The following FBXW11 variants were observed in gnomAD, a reference collection of about 807,000 sequenced individuals.
The protein encoded by FBXW11 is F-box/WD repeat-containing protein 11.
Under a neutral mutation model 77.6 loss-of-function variants are expected in FBXW11, and 19 were observed. The ratio of observed to expected loss-of-function variants is 0.24; its 90% CI spans 0.17 to 0.36. The LOEUF (loss-of-function observed/expected upper bound fraction) is 0.36, where lower values mean the gene tolerates loss of function less well. Among genes scored for constraint, FBXW11 ranks in the 10% least tolerant of loss-of-function variants. The pLI is 1.00. For synonymous variants in FBXW11, 235 were observed against 249.4 expected, an observed-to-expected ratio of 0.94 and a Z score of 0.54; for missense variants, 334 against 704.2, an observed-to-expected ratio of 0.47 and a Z score of 5.95.
At chr5:171,984,757 A>G (rs1354067336) in intron 1 of FBXW11, among the ~76,000 whole-genome samples, 2 of 152,246 alleles carry the variant, frequency 1.3e-5, no homozygotes, top group South Asian at 2.1e-4. Flanking sequence ...CTCCATAATT[A>G]TAAGGAAAAT....
At chr5:171,980,957 G>T (rs1281063101) in intron 1 of FBXW11, among the ~76,000 whole-genome samples, 1 of 152,080 alleles carries the variant, frequency 6.6e-6, no homozygotes, top group East Asian at 1.9e-4. Context: ...TGCTAATAAG[G>T]TGACTCTTGG....
intron 1 of FBXW11, among the ~76,000 whole-genome samples, chr5:172,003,884 C>CT (rs1177943378): frequency 1.3e-5 from 2 of 152,176 alleles, no homozygotes; most frequent in Non-Finnish European, 2.9e-5. Context: ...ATACAGCACA[C>CT]TTTGGAACAG....
chr5:171,887,388 A>T (rs1320457132), intron 7 of FBXW11, among the ~76,000 whole-genome samples: 2 of 152,142 alleles, frequency 1.3e-5, no homozygotes, highest in Admixed American at 6.5e-5. Context: ...TTAAAAAACA[A>T]ACAAAAAATA....
Position 171,863,796 on chromosome 5 carries a change from G to T in FBXW11, c.*331C>A, listed in dbSNP as rs1757223076. 1 of 152,628 alleles carries T rather than the reference G, an allele frequency of 6.6e-6. No homozygotes were observed. The highest frequency in any genetic ancestry group is 6.5e-5 in the Admixed American group (1 of 15,282). 9.5% of individuals were successfully genotyped at this position (152,628 alleles called of 1,614,324 possible). On this transcript the variant is annotated 3_prime_UTR_variant, in exon 14 of 14. Coordinates refer to ENST00000517395, the MANE Select transcript of FBXW11 (RefSeq NM_001378974.1). ...TTAGAGGCCAAGTCTTCTCTTGACG[G>T]TCGATTTACTTCTGTAAAACAGATT...
Position 171,910,617 on chromosome 5 carries a change from A to T in FBXW11, c.391T>A (p.Tyr131Asn). The change falls in exon 4 of 14, where the codon TAC (tyrosine) becomes AAC (asparagine). Residue 131 changes from tyrosine to asparagine, a missense_variant. Physicochemically the swap from Tyr to Asn is moderately radical, Grantham distance 143 (BLOSUM62 -2). Around this residue, in one of 10 missense-constraint regions of FBXW11, gnomAD observed 56 missense variants for 144.9 expected, o/e 0.39. Coordinates refer to ENST00000517395, the MANE Select transcript of FBXW11 (RefSeq NM_001378974.1). ...TCCCGCTGCAACATGGGCTTCAGGTAAGAGTTAATATGTCCATGCTGATAA... is the reference window on the plus strand; with the variant it reads ...TCCCGCTGCAACATGGGCTTCAGGTTAGAGTTAATATGTCCATGCTGATAA... ...CHYQHGHINS[Y>N]LKPMLQRDFI... is the part of the protein sequence containing the mutation. The T allele has an allele frequency of 6.2e-7, 1 of 1,613,912 alleles. No homozygotes were observed. The highest frequency in any genetic ancestry group is 8.5e-7 in the Non-Finnish European group (1 of 1,179,920).
At chr5:171,926,621 C>T (rs1461360977) in intron 2 of FBXW11, among the ~76,000 whole-genome samples, 5 of 152,160 alleles carry the variant, frequency 3.3e-5, no homozygotes, top group Admixed American at 6.5e-5. Flanking sequence ...GCTTCCCCTT[C>T]GCCTTCTGCC....
rs1758219998 is a variant in FBXW11, at chr5:171,878,046, A to T, written c.936T>A (p.Arg312=). ...AATCTGAAGAGCCAGTTACAATGAC[A>T]CGCTCATCATACTGCAGACAGAGGA... ...GSVLCLQYDE[R]VIVTGSSDST... is the part of the protein sequence containing the mutation. Residue 312 remains arginine, a synonymous_variant, in exon 8 of 14, where the codon CGT becomes CGA. Transcript: ENST00000517395. The T allele has an allele frequency of 6.2e-7, 1 of 1,613,826 alleles. No individual in the cohort carries two copies. The highest frequency in any genetic ancestry group is 8.5e-7 in the Non-Finnish European group (1 of 1,179,852).
chr5:171,880,261 G>T (rs965856771), intron 7 of FBXW11, among the ~76,000 whole-genome samples: 2 of 152,144 alleles, frequency 1.3e-5, no homozygotes, highest in South Asian at 2.1e-4. Flanking sequence ...ATTTATGAAG[G>T]TATATATTTC....
chr5:171,951,566 A>ATT lies in FBXW11; in HGVS notation c.147+6029_147+6030dup, dbSNP rs11413073. On this transcript the variant is annotated intron_variant, in intron 2 of 13. Transcript: ENST00000517395. The stretch of plus-strand genomic sequence containing the variant: ...AAAGAGAGAGAGAAAAAAAGTGGCT[A>ATT]TTTTTTTTTGAAAATAAAAAAATGC... 3.7e-3 allele frequency among the ~76,000 whole-genome samples: 552 copies of ATT among 150,292 alleles called. 3 individuals carry two copies. Among genetic ancestry groups the ATT allele is most frequent in the Admixed American group, 0.013 (196 of 15,096 alleles).
At chr5:171,942,441 A>G (rs1305693560) in intron 2 of FBXW11, among the ~76,000 whole-genome samples, 1 of 152,194 alleles carries the variant, frequency 6.6e-6, no homozygotes, top group Non-Finnish European at 1.5e-5. Context: ...CAGTCTGTCA[A>G]TTTAGGTTTG....
chr5:171,954,359 T>G (rs1049946732), intron 2 of FBXW11, among the ~76,000 whole-genome samples: 5 of 152,168 alleles, frequency 3.3e-5, no homozygotes, highest in African/African-American at 1.2e-4. Flanking sequence ...TAATTTCATA[T>G]ACAAAAATGG....
chr5:171,866,788 G>A (rs1345925003), intron 13 of FBXW11, among the ~76,000 whole-genome samples: 1 of 152,134 alleles, frequency 6.6e-6, no homozygotes, highest in Admixed American at 6.5e-5. Flanking sequence ...AATCACTCAA[G>A]AGATCCTTGT....
At chr5:171,921,167 A>G (rs537593919) in intron 2 of FBXW11, among the ~76,000 whole-genome samples, 190 of 152,254 alleles carry the variant, frequency 1.2e-3, no homozygotes, top group African/African-American at 4.4e-3. Context: ...TTTCATACCA[A>G]TCAACGGAAG....
rs79475616 is a variant in FBXW11 at position 171,912,410 on chromosome 5, T to C, written c.211-1613A>G. 3.1e-4 allele frequency among the ~76,000 whole-genome samples: 47 copies of C among 152,164 alleles called. 1 individual carries two copies. Among genetic ancestry groups the C allele is most frequent in the African/African-American group, 1.1e-3 (45 of 41,486 alleles). On this transcript the variant is annotated intron_variant, in intron 3 of 13. Coordinates refer to ENST00000517395, the MANE Select transcript of FBXW11 (RefSeq NM_001378974.1). ...CTTAACAGATCCAAAAAATAAGAGTTCAAAACAGAGATGAAAAGTCTTTGC... is the reference window on the plus strand; with the variant it reads ...CTTAACAGATCCAAAAAATAAGAGTCCAAAACAGAGATGAAAAGTCTTTGC...
intron 1 of FBXW11, among the ~76,000 whole-genome samples, chr5:171,958,746 T>C (rs1763746330): frequency 6.6e-6 from 1 of 152,182 alleles, no homozygotes. Context: ...CATTCAGATA[T>C]AAAGTCAATT....
At chr5:171,985,254 T>C (rs1362129019) in intron 1 of FBXW11, among the ~76,000 whole-genome samples, 1 of 152,146 alleles carries the variant, frequency 6.6e-6, no homozygotes, top group African/African-American at 2.4e-5. Context: ...AAACCACAGA[T>C]CTTGCTCTAA....
At chr5:171,970,208 G>A (rs533667232) in intron 1 of FBXW11, among the ~76,000 whole-genome samples, 4 of 152,214 alleles carry the variant, frequency 2.6e-5, no homozygotes, top group East Asian at 1.9e-4. Flanking sequence ...GTAATCCCTC[G>A]AAGGAGGGAC....
chr5:171,974,811 C>G (rs566079865), intron 1 of FBXW11, among the ~76,000 whole-genome samples: 1 of 151,382 alleles, frequency 6.6e-6, no homozygotes, highest in South Asian at 2.2e-4. Context: ...TATGTGACCT[C>G]TTTTGAGAAT....
intron 3 of FBXW11, among the ~76,000 whole-genome samples, chr5:171,913,806 ACCACACACACATACAC>A (rs1761034228): frequency 1.2e-5 from 1 of 80,750 alleles, no homozygotes; most frequent in African/African-American, 4.5e-5. Context: ...CAAACCCCCA[ACCACACACACATACAC>A]ACACACACAC....
Sources: allele counts gnomAD v4.1 joint callset (sites outside exome capture counted in the v4.1 genomes callset), GRCh38; gene constraint gnomAD v4.1.1; regional missense constraint gnomAD v4.1.1; transcripts MANE v1.5; gene names NCBI Gene and HGNC (gene_info 2026-07-23, HGNC 2026-07-21).